KTN1: variants seen among roughly 807,000 people sequenced by gnomAD.
The protein encoded by KTN1 is kinectin.
KTN1 carries 130 observed loss-of-function variants against 222.5 expected under a neutral mutation model. The ratio of observed to expected loss-of-function variants is 0.58; its 90% CI spans 0.51 to 0.68. The LOEUF (loss-of-function observed/expected upper bound fraction) is 0.68. KTN1 is among the 30% of genes least tolerant of loss of function. The pLI is 0.00. For synonymous variants in KTN1, 512 were observed against 496.3 expected (o/e 1.03, Z -0.42); for missense variants, 1,508 against 1,500.4 (o/e 1.01, Z -0.08).
At chr14:55,597,533 T>C (rs2035254401) in intron 1 of KTN1, among the ~76,000 whole-genome samples, 1 of 152,166 alleles carries the variant, frequency 6.6e-6, no homozygotes, top group African/African-American at 2.4e-5. Context: ...TGATAGGAAT[T>C]TCCCTGTGGA....
Position 55,648,128 on chromosome 14 carries a change from G to A in KTN1, c.2298+13G>A. On this transcript the variant is annotated intron_variant, in intron 20 of 43. Coordinates refer to ENST00000395314, the MANE Select transcript of KTN1 (RefSeq NM_001079521.2). ...AGAGGAGCTGAATGTAAAGCATTTT[G>A]TAGTTTTGTTTTCCTTGTGATTATT... 2.1e-6 allele frequency: 3 copies of A among 1,418,456 alleles called. No homozygotes were observed. Among genetic ancestry groups the A allele is most frequent in the Non-Finnish European group, 2.9e-6 (3 of 1,032,276 alleles). 87.9% of individuals were successfully genotyped at this position (1,418,456 alleles called of 1,614,324 possible).
chr14:55,584,793 G>A (rs1023980451), intron 1 of KTN1, among the ~76,000 whole-genome samples: 4 of 152,228 alleles, frequency 2.6e-5, no homozygotes, highest in Admixed American at 2.0e-4. Context: ...GTTCAGAGCA[G>A]TGTCTAGCAC....
chr14:55,608,686 C>G (rs140366689), intron 1 of KTN1, among the ~76,000 whole-genome samples: 1 of 149,894 alleles, frequency 6.7e-6, no homozygotes, highest in Non-Finnish European at 1.5e-5. Flanking sequence ...TGCAGTGGCG[C>G]GATCTCAGCT....
intron 16 of KTN1, 37 bp from the exon 17 acceptor site, chr14:55,641,090 G>A (rs1218627470): frequency 6.7e-6 from 10 of 1,492,072 alleles, no homozygotes; most frequent in Non-Finnish European, 9.2e-6. Context: ...TTTTCTGAAT[G>A]TATGAAGTAT....
chr14:55,640,868 G>T, intron 15 of KTN1, 65 bp from the exon 16 acceptor site: 3 of 1,305,422 alleles, frequency 2.3e-6, no homozygotes, highest in Non-Finnish European at 3.3e-6. Flanking sequence ...GTAAAAATTA[G>T]TGAAAAAAAT....
intron 16 of KTN1, 21 bp from the exon 17 acceptor site, chr14:55,641,105 AT>A (rs199772429): frequency 8.8e-4 from 1,265 of 1,440,010 alleles, no homozygotes; most frequent in Middle Eastern, 1.3e-3. Flanking sequence ...AAGTATTTTA[AT>A]TTTTTTTTTC....
At chr14:55,632,873 A>G (rs560218700) in intron 7 of KTN1, among the ~76,000 whole-genome samples, 1 of 152,330 alleles carries the variant, frequency 6.6e-6, no homozygotes, top group South Asian at 2.1e-4. Context: ...GAATATTGCT[A>G]ATGTATAATT....
intron 15 of KTN1, 89 bp from the exon 16 acceptor site, chr14:55,640,844 C>T (rs756653443): frequency 3.8e-6 from 4 of 1,041,548 alleles, no homozygotes; most frequent in South Asian, 2.8e-5. Context: ...TATGGAAATA[C>T]AGCTTTTTAA....
chr14:55,592,560 G>A (rs932667535), intron 1 of KTN1, among the ~76,000 whole-genome samples: 1 of 152,166 alleles, frequency 6.6e-6, no homozygotes, highest in African/African-American at 2.4e-5. Context: ...TGGTGTACCT[G>A]TGTGTGTCCT....
intron 5 of KTN1, among the ~76,000 whole-genome samples, chr14:55,622,785 T>G (rs1213160802): frequency 6.6e-6 from 1 of 152,240 alleles, no homozygotes; most frequent in Non-Finnish European, 1.5e-5. Flanking sequence ...AAGTGACCTT[T>G]AAGAGATAAA....
At chr14:55,632,991 A>G (rs1001507055) in intron 7 of KTN1, among the ~76,000 whole-genome samples, 11 of 152,200 alleles carry the variant, frequency 7.2e-5, no homozygotes, top group Admixed American at 7.2e-4. Context: ...TTTATCTTGT[A>G]TTTCAAATAT....
At position 55,684,262 on chromosome 14, in the gene KTN1, G is replaced by T; in HGVS notation, c.*159G>T. The T allele has an allele frequency of 4.7e-6, 2 of 424,926 alleles. No homozygotes were observed. Among genetic ancestry groups the T allele is most frequent in the East Asian group, 4.0e-5 (1 of 25,224 alleles). The allele number at this position is 424,926 out of a possible 1,614,324, so 26.3% of individuals were successfully genotyped here. A position where few individuals can be genotyped will look rare whatever the true frequency, so the allele number is the denominator to read the frequency against. ...TTGTTAGACTACTGATTTAAAGAAG[G>T]AAAAAAAAAAGCCAACTCTGTAGAC... On this transcript the variant is annotated 3_prime_UTR_variant, in exon 44 of 44. Coordinates refer to ENST00000395314, the MANE Select transcript of KTN1 (RefSeq NM_001079521.2).
At chr14:55,593,849 T>A (rs2140389062) in intron 1 of KTN1, among the ~76,000 whole-genome samples, 1 of 152,194 alleles carries the variant, frequency 6.6e-6, no homozygotes, top group Admixed American at 6.5e-5. Context: ...TACCTTTTTA[T>A]TTTTTTGAAA....
intron 1 of KTN1, among the ~76,000 whole-genome samples, chr14:55,609,369 C>G (rs2037210312): frequency 6.6e-6 from 1 of 152,070 alleles, no homozygotes; most frequent in Non-Finnish European, 1.5e-5. Flanking sequence ...TTTCTTGATT[C>G]TTCATCTCTT....
At position 55,582,586 on chromosome 14, in the gene KTN1, T is replaced by C. The variant is rs562482682; in HGVS notation, c.-31+2232T>C. ...TTTTTTAAAAGTTGAATGTGTCTTATACATTTCCTATGTGTAAGTTAATTT... is the reference window on the plus strand; with the variant it reads ...TTTTTTAAAAGTTGAATGTGTCTTACACATTTCCTATGTGTAAGTTAATTT... On this transcript the variant is annotated intron_variant, in intron 1 of 43. Transcript: ENST00000395314. Among the ~76,000 whole-genome samples, 8 of 152,324 alleles carry C rather than the reference T, an allele frequency of 5.3e-5. No individual in the cohort carries two copies. The East Asian group carries it at 5.8e-4, about 11-fold the overall frequency.
chr14:55,651,545 G>A, intron 24 of KTN1: 1 of 372,638 alleles, frequency 2.7e-6, no homozygotes, highest in Non-Finnish European at 5.2e-6. Flanking sequence ...ACTGGTCTGA[G>A]TGCAGTGGTG....
chr14:55,663,114 T>C, intron 32 of KTN1: 2 of 365,054 alleles, frequency 5.5e-6, no homozygotes, highest in South Asian at 2.1e-5. Context: ...CTCATGGGGT[T>C]GTTGTAACGG....
Position 55,612,408 on chromosome 14 carries a change from A to T in KTN1, c.360A>T (p.Lys120Asn). ...GGGAAAGAAAAAAGAAGGAAAAGAA[A>T]CAAAAGCCTGTGCTTGAAGAGCAGG... is the stretch of plus-strand genomic sequence containing the variant. Reference protein sequence around the residue: ...SVRERKKKEKKQKPVLEEQVI... With the variant: ...SVRERKKKEKNQKPVLEEQVI... The change falls in exon 2 of 44, where the codon AAA becomes AAT. Residue 120 changes from lysine (K) to asparagine (N), a missense_variant. Lys to Asn is a moderately conservative substitution (Grantham distance 94, BLOSUM62 0). Coordinates refer to ENST00000395314, the MANE Select transcript of KTN1 (RefSeq NM_001079521.2). 6.2e-7 allele frequency: 1 copy of T among 1,614,014 alleles called. No individual in the cohort carries two copies. The highest frequency in any genetic ancestry group is 8.5e-7 in the Non-Finnish European group (1 of 1,179,978).
intron 10 of KTN1, among the ~76,000 whole-genome samples, chr14:55,636,837 CT>C (rs796152435): frequency 9.6e-4 from 137 of 142,780 alleles, no homozygotes; most frequent in Middle Eastern, 7.0e-3. Flanking sequence ...TTGGTTAATT[CT>C]TTTTTTTTTT....
Sources: allele counts gnomAD v4.1 joint callset (sites outside exome capture counted in the v4.1 genomes callset), GRCh38; gene constraint gnomAD v4.1.1; transcripts MANE v1.5; gene names NCBI Gene and HGNC (gene_info 2026-07-23, HGNC 2026-07-21).